Variants in PISD observed in about 807,000 individuals in gnomAD.
The protein encoded by PISD is phosphatidylserine decarboxylase proenzyme, mitochondrial.
Under a neutral mutation model 43.5 loss-of-function variants are expected in PISD, and 31 were observed. The ratio of observed to expected loss-of-function variants is 0.71; its 90% CI spans 0.54 to 0.96. PISD has a LOEUF of 0.96. Ranked by LOEUF, PISD falls within the 40% of genes least tolerant of loss-of-function variation. PISD has a pLI of 0.00. For synonymous variants in PISD, 259 were observed against 228.7 expected (o/e 1.13, Z -1.20); for missense variants, 523 against 548.4 (o/e 0.95, Z 0.46).
At chr22:31,654,618 T>TA (rs1474731854) in intron 1 of PISD, among the ~76,000 whole-genome samples, 4 of 152,162 alleles carry the variant, frequency 2.6e-5, no homozygotes, top group African/African-American at 4.8e-5. Flanking sequence ...GGACACCTGT[T>TA]AGACTAAATT....
rs2072659095 is a variant in PISD at position 31,622,844 on chromosome 22, G to GT, written c.322-960dup. Among the ~76,000 whole-genome samples the GT allele has an allele frequency of 2.6e-5, 4 of 152,368 alleles. No individual in the cohort carries two copies. The Middle Eastern group carries it at 0.014, about 518-fold the overall frequency. On this transcript the variant is annotated intron_variant, in intron 3 of 7. Transcript: ENST00000439502. ...GCTGCTGCCACTGTAGAAGCTGCCTGTAATTGGTGGCTGCTGCTTCTCTAA... is the reference window on the plus strand; with the variant it reads ...GCTGCTGCCACTGTAGAAGCTGCCTGTTAATTGGTGGCTGCTGCTTCTCTAA...
rs1423744351 is a variant in PISD, at chr22:31,630,438, T to G, written c.322-8553A>C. ...CCCGCCAATGCCAGCCGGCACCCCC[T>G]CACTTCCTGCAGCCGCCTCACTGCA... On this transcript the variant is annotated intron_variant, in intron 3 of 7. Coordinates refer to ENST00000439502, the MANE Select transcript of PISD (RefSeq NM_001326411.2). This position sits in a 1 kb window ranked among gnomAD's most constrained non-coding sequence, Gnocchi z 4.4. 1 of 151,936 alleles carries G rather than the reference T, an allele frequency of 6.6e-6. No homozygotes were observed. The highest frequency in any genetic ancestry group is 1.5e-5 in the Non-Finnish European group (1 of 68,158). The allele number at this position is 151,936 out of a possible 1,614,324, so 9.4% of individuals were successfully genotyped here.
chr22:31,649,106 GCTAC>G (rs1220478662), intron 2 of PISD, among the ~76,000 whole-genome samples: 5 of 152,120 alleles, frequency 3.3e-5, no homozygotes, highest in African/African-American at 1.2e-4. Flanking sequence ...TATAGTCCCA[GCTAC>G]TAGGTAGGCT....
At chr22:31,629,756 G>A (rs533396420) in intron 3 of PISD, 10 of 152,324 alleles carry the variant, frequency 6.6e-5, no homozygotes, top group Admixed American at 6.5e-4. Flanking sequence ...AGCAGGCAGT[G>A]AGGGATATGG....
At position 31,619,100 on chromosome 22, in the gene PISD, G is replaced by A. The variant is rs2072328662; in HGVS notation, c.*512C>T. The stretch of plus-strand genomic sequence containing the variant: ...CTAAAGAGCAGGATGAGGTGAATGT[G>A]GGAACGGAAAGCAGTTGTCACGAAG... On this transcript the variant is annotated 3_prime_UTR_variant, in exon 8 of 8. Transcript: ENST00000439502. 4.0e-6 allele frequency: 1 copy of A among 248,678 alleles called. No individual in the cohort carries two copies. Among genetic ancestry groups the A allele is most frequent in the African/African-American group, 2.3e-5 (1 of 43,856 alleles). The allele number at this position is 248,678 out of a possible 1,614,324, so 15.4% of individuals were successfully genotyped here.
chr22:31,628,971 A>G (rs1213546273), intron 3 of PISD: 8 of 985,244 alleles, frequency 8.1e-6, no homozygotes, highest in Admixed American at 6.2e-5. Context: ...ACTTGCGCGG[A>G]GTGACCGGCC....
intron 3 of PISD, among the ~76,000 whole-genome samples, chr22:31,640,635 C>T (rs1246767347): frequency 8.8e-6 from 1 of 113,542 alleles, no homozygotes; most frequent in Non-Finnish European, 1.6e-5. Flanking sequence ...GGCTGGAGTA[C>T]AATGGCACGA....
intron 3 of PISD, among the ~76,000 whole-genome samples, chr22:31,640,885 T>TTTTTTTTTTTG (rs1288052194): frequency 2.9e-5 from 2 of 67,898 alleles, no homozygotes; most frequent in Admixed American, 1.7e-4. Flanking sequence ...CCGGTGTTTT[T>TTTTTTTTTTTG]TTTTTTTTTT....
At chr22:31,635,590 C>T (rs1461027790) in intron 3 of PISD, among the ~76,000 whole-genome samples, 1 of 152,222 alleles carries the variant, frequency 6.6e-6, no homozygotes, top group African/African-American at 2.4e-5. Context: ...AGCCACCATG[C>T]CCCGCTGAGT....
chr22:31,623,964 G>A lies in PISD; in HGVS notation c.322-2079C>T, dbSNP rs553238970. 655 of 944,552 alleles carry A rather than the reference G, an allele frequency of 6.9e-4. 2 individuals carry two copies. The highest frequency in any genetic ancestry group is 1.1e-3 in the Admixed American group (40 of 37,634). The allele number at this position is 944,552 out of a possible 1,614,324, so 58.5% of individuals were successfully genotyped here. A position where few individuals can be genotyped will look rare whatever the true frequency, so the allele number is the denominator to read the frequency against. On this transcript the variant is annotated intron_variant, in intron 3 of 7. Transcript: ENST00000439502. ...CCTCCTGTCTACCCACCCTTGGCAAGCTGCCTCTCCATGGGGGTGATGGAG... is the reference window on the plus strand; with the variant it reads ...CCTCCTGTCTACCCACCCTTGGCAAACTGCCTCTCCATGGGGGTGATGGAG...
intron 3 of PISD, among the ~76,000 whole-genome samples, chr22:31,646,398 A>T (rs2073888673): frequency 6.6e-6 from 1 of 152,186 alleles, no homozygotes; most frequent in Non-Finnish European, 1.5e-5. Flanking sequence ...CCTGGGACTT[A>T]TGAGTTAATC....
intron 3 of PISD, among the ~76,000 whole-genome samples, chr22:31,624,646 CACAG>C (rs139043278): frequency 2.3e-4 from 31 of 134,096 alleles, no homozygotes; most frequent in Middle Eastern, 3.4e-3. Flanking sequence ...GCTGGGGCTG[CACAG>C]ACAGACACAC....
intron 1 of PISD, among the ~76,000 whole-genome samples, chr22:31,654,892 AC>A (rs2074123575): frequency 6.6e-6 from 1 of 152,162 alleles, no homozygotes; most frequent in Admixed American, 6.6e-5. Context: ...CCTGGGCAAC[AC>A]GGTAAAACCC....
chr22:31,641,279 C>T (rs941610142), intron 3 of PISD, among the ~76,000 whole-genome samples: 3 of 152,100 alleles, frequency 2.0e-5, no homozygotes, highest in Non-Finnish European at 2.9e-5. Context: ...ACTTTCTCTT[C>T]GGCAATCCAA....
At chr22:31,624,881 G>A (rs62237837) in intron 3 of PISD, among the ~76,000 whole-genome samples, 8,367 of 152,138 alleles carry the variant, frequency 0.055, 248 homozygotes, top group African/African-American at 0.087. Context: ...GGCTGGACGG[G>A]CCTTTCCACC....
intron 3 of PISD, chr22:31,628,761 C>T: frequency 1.3e-5 from 12 of 906,494 alleles, no homozygotes; most frequent in Non-Finnish European, 1.6e-5. Flanking sequence ...GCTCAGAGCA[C>T]AGCTGCAACC....
chr22:31,638,871 G>A (rs1267831252), intron 3 of PISD, among the ~76,000 whole-genome samples: 1 of 147,892 alleles, frequency 6.8e-6, no homozygotes, highest in African/African-American at 2.5e-5. Context: ...CTAGGCTGGA[G>A]TGCAATGGCG....
At chr22:31,647,244 A>T (rs2073910974) in intron 3 of PISD, among the ~76,000 whole-genome samples, 1 of 152,212 alleles carries the variant, frequency 6.6e-6, no homozygotes. Context: ...AAGACACAAG[A>T]CCAGACAGAA....
chr22:31,659,365 CCCCTT>C (rs1385450760), intron 1 of PISD, among the ~76,000 whole-genome samples: 1 of 152,116 alleles, frequency 6.6e-6, no homozygotes, highest in Non-Finnish European at 1.5e-5. Flanking sequence ...TTCATTTGCT[CCCCTT>C]CCCTTCTCTC....
Sources: gnomAD v4.1 joint callset for allele counts (sites outside exome capture counted in the v4.1 genomes callset) on GRCh38, gnomAD v4.1.1 for gene constraint, Gnocchi (gnomAD v3.1) non-coding constraint, MANE v1.5 for transcripts, NCBI Gene and HGNC (gene_info 2026-07-23, HGNC 2026-07-21) for gene names.